Variants in DNER observed in about 807,000 individuals in gnomAD.
The protein encoded by DNER is delta and Notch-like epidermal growth factor-related receptor.
Under a neutral mutation model 78.2 loss-of-function variants are expected in DNER, and 33 were observed. That is an observed-to-expected ratio of 0.42 (90% CI 0.32 to 0.56). DNER has a LOEUF of 0.56. Ranked by LOEUF, DNER falls within the 20% of genes least tolerant of loss-of-function variation. The pLI, the probability that DNER is intolerant of heterozygous loss-of-function variation, is 0.11. For missense variants in DNER, 918 were observed against 975.3 expected, an observed-to-expected ratio of 0.94 and a Z score of 0.78; for synonymous variants, 417 against 384.8, an observed-to-expected ratio of 1.08 and a Z score of -0.98.
chr2:229,551,211 T>A (rs1160687256), intron 4 of DNER, among the ~76,000 whole-genome samples: 1 of 152,238 alleles, frequency 6.6e-6, no homozygotes. Flanking sequence ...TTTCTGTTTG[T>A]CTTTTCTGTT....
intron 5 of DNER, among the ~76,000 whole-genome samples, chr2:229,514,110 A>G (rs1432429170): frequency 6.6e-6 from 1 of 151,870 alleles, no homozygotes; most frequent in African/African-American, 2.4e-5. Flanking sequence ...TGATAAATTT[A>G]CTCCTGAATA....
Position 229,358,531 on chromosome 2 carries a change from A to G in DNER, c.*9T>C. 6.3e-7 allele frequency: 1 copy of G among 1,591,508 alleles called. No individual in the cohort carries two copies. ...ATCTCATCTTTTTGAAAAATAATCC[A>G]AAAAAAGATTACAAATCTTTAGTTT... On this transcript the variant is annotated 3_prime_UTR_variant, in exon 13 of 13. Coordinates refer to ENST00000341772, the MANE Select transcript of DNER (RefSeq NM_139072.4).
intron 1 of DNER, among the ~76,000 whole-genome samples, chr2:229,619,450 G>A (rs1698217544): frequency 6.6e-6 from 1 of 152,156 alleles, no homozygotes; most frequent in African/African-American, 2.4e-5. Flanking sequence ...TTGGAAAGAA[G>A]CAGGAAAAAT....
At chr2:229,542,327 G>A (rs1696532062) in intron 5 of DNER, among the ~76,000 whole-genome samples, 1 of 152,098 alleles carries the variant, frequency 6.6e-6, no homozygotes, top group Non-Finnish European at 1.5e-5. Context: ...TTGCGATGTT[G>A]AAGTAAACAT....
At chr2:229,434,055 C>T (rs1694070750) in intron 8 of DNER, among the ~76,000 whole-genome samples, 1 of 152,162 alleles carries the variant, frequency 6.6e-6, no homozygotes, top group Admixed American at 6.5e-5. Context: ...AATTATATAT[C>T]AGAGGTGGCC....
rs1435275122 is a variant in DNER at position 229,438,720 on chromosome 2, C to T, written c.1486+8596G>A. 5.9e-5 allele frequency among the ~76,000 whole-genome samples: 9 copies of T among 152,138 alleles called. 1 individual carries two copies. The highest frequency in any genetic ancestry group is 2.2e-4 in the African/African-American group (9 of 41,444). On this transcript the variant is annotated intron_variant, in intron 8 of 12. Coordinates refer to ENST00000341772, the MANE Select transcript of DNER (RefSeq NM_139072.4). ...TTGAAGTGGCTATTAACACAGCTAC[C>T]ACTTGAAAAATCTGGTTAGAATACC...
chr2:229,460,156 C>CAAAAAAA (rs5839331), intron 7 of DNER, among the ~76,000 whole-genome samples: 1 of 85,508 alleles, frequency 1.2e-5, no homozygotes, highest in Non-Finnish European at 2.1e-5. Flanking sequence ...GACTCCGTCT[C>CAAAAAAA]AAAAAAAAAA....
At chr2:229,706,185 C>T (rs1007329973) in intron 1 of DNER, among the ~76,000 whole-genome samples, 4 of 152,144 alleles carry the variant, frequency 2.6e-5, no homozygotes, top group African/African-American at 9.7e-5. Context: ...AAAATAAACT[C>T]TTTCCACCAA....
intron 9 of DNER, among the ~76,000 whole-genome samples, chr2:229,410,159 A>G (rs1460270571): frequency 6.6e-6 from 1 of 152,016 alleles, no homozygotes; most frequent in Admixed American, 6.6e-5. Flanking sequence ...TCAATTCCCA[A>G]TCCAAACACC....
chr2:229,359,319 T>G (rs931330814), intron 12 of DNER, among the ~76,000 whole-genome samples: 1 of 152,172 alleles, frequency 6.6e-6, no homozygotes, highest in African/African-American at 2.4e-5. Context: ...CAAAATTGCC[T>G]CGACAGCAGG....
intron 5 of DNER, among the ~76,000 whole-genome samples, chr2:229,527,869 T>C (rs1696236998): frequency 6.6e-6 from 1 of 152,170 alleles, no homozygotes; most frequent in African/African-American, 2.4e-5. Flanking sequence ...AAAATTGACA[T>C]ATGTCAACAA....
At chr2:229,369,247 TA>T (rs1157050614) in intron 11 of DNER, among the ~76,000 whole-genome samples, 6 of 150,356 alleles carry the variant, frequency 4.0e-5, no homozygotes, top group South Asian at 2.1e-4. Flanking sequence ...CTAAAAAGTT[TA>T]AAAAAAAAGT....
intron 1 of DNER, among the ~76,000 whole-genome samples, chr2:229,677,968 C>A (rs1034110190): frequency 5.9e-5 from 9 of 152,152 alleles, no homozygotes; most frequent in African/African-American, 2.2e-4. Context: ...CTTTGCAGCT[C>A]TCAGTACATG....
intron 1 of DNER, among the ~76,000 whole-genome samples, chr2:229,658,409 A>C (rs1014567154): frequency 3.9e-5 from 6 of 152,194 alleles, no homozygotes; most frequent in Admixed American, 6.5e-5. Flanking sequence ...CTTCAGGTAC[A>C]CTGTTGCAAA....
rs535255170 is a variant in DNER at position 229,454,601 on chromosome 2, C to T, written c.1262-7061G>A. Among the ~76,000 whole-genome samples the T allele has an allele frequency of 1.9e-4, 29 of 151,266 alleles. 1 individual carries two copies. Among genetic ancestry groups the T allele is most frequent in the African/African-American group, 6.6e-4 (27 of 41,110 alleles). ...CAGTATACATACTGAGGAGAGAATA[C>T]ACTTTTGGCATATTATCCAGTCTAA... On this transcript the variant is annotated intron_variant, in intron 7 of 12. Coordinates refer to ENST00000341772, the MANE Select transcript of DNER (RefSeq NM_139072.4).
intron 5 of DNER, among the ~76,000 whole-genome samples, chr2:229,522,116 C>T (rs1696111232): frequency 1.3e-5 from 2 of 152,134 alleles, no homozygotes; most frequent in Non-Finnish European, 2.9e-5. Context: ...ATTCCTTCAG[C>T]TTAAATGATA....
intron 1 of DNER, among the ~76,000 whole-genome samples, chr2:229,618,831 C>T (rs114162290): frequency 8.9e-4 from 136 of 152,196 alleles, no homozygotes; most frequent in African/African-American, 3.2e-3. Context: ...AAAGTGGCCT[C>T]ATGACTCAAT....
In DNER at chr2:229,615,443, T is replaced by C. The variant is rs368054131; in HGVS notation, c.277-23555A>G. On this transcript the variant is annotated intron_variant, in intron 1 of 12. Transcript: ENST00000341772. Reference sequence around the variant, plus strand: ...AAAAAAAAAAGGCCGGGCGCGGTGGTTCACGCCTGTAATCCCAGCACCTTG... The same window carrying C: ...AAAAAAAAAAGGCCGGGCGCGGTGGCTCACGCCTGTAATCCCAGCACCTTG... Among the ~76,000 whole-genome samples, 1,281 of 136,834 alleles carry C rather than the reference T, an allele frequency of 9.4e-3. 15 individuals are homozygous for C. The highest frequency in any genetic ancestry group is 0.013 in the Non-Finnish European group (821 of 63,696). The allele number at this position is 136,834 out of a possible 152,430, so 89.8% of individuals were successfully genotyped here. A position where few individuals can be genotyped will look rare whatever the true frequency, so the allele number is the denominator to read the frequency against.
At chr2:229,465,188 C>T (rs1239767088) in intron 7 of DNER, among the ~76,000 whole-genome samples, 4 of 152,058 alleles carry the variant, frequency 2.6e-5, no homozygotes, top group African/African-American at 4.8e-5. Flanking sequence ...CTCAAATGCC[C>T]GTCAATGATA....
Sources: gnomAD v4.1 joint callset for allele counts (sites outside exome capture counted in the v4.1 genomes callset) on GRCh38, gnomAD v4.1.1 for gene constraint, MANE v1.5 for transcripts, NCBI Gene and HGNC (gene_info 2026-07-23, HGNC 2026-07-21) for gene names.